PTCD3: variants seen among roughly 807,000 people sequenced by gnomAD.
PTCD3 encodes the protein pentatricopeptide repeat domain 3, also known as small ribosomal subunit protein mS39.
A neutral mutation model predicts 101.9 loss-of-function variants in PTCD3; 89 were observed. The observed-to-expected ratio is 0.87, with a 90% CI of 0.74 to 1.04. The LOEUF is 1.04. PTCD3 is among the 50% of genes least tolerant of loss of function. The pLI, the probability that PTCD3 is intolerant of heterozygous loss-of-function variation, is 0.00. For missense variants in PTCD3, 870 were observed against 828.2 expected, an observed-to-expected ratio of 1.05 and a Z score of -0.62; for synonymous variants, 296 against 278.5, an observed-to-expected ratio of 1.06 and a Z score of -0.63.
intron 4 of PTCD3, among the ~76,000 whole-genome samples, chr2:86,114,058 A>G (rs2104449482): frequency 6.6e-6 from 1 of 152,234 alleles, no homozygotes; most frequent in South Asian, 2.1e-4. Context: ...AAATCAAAGA[A>G]GTTATAGAAT....
At chr2:86,127,033 G>A in intron 12 of PTCD3, 128 bp from the exon 13 acceptor site, 1 of 746,406 alleles carries the variant, frequency 1.3e-6, no homozygotes, top group South Asian at 2.2e-5. Flanking sequence ...GTTCTTAAAA[G>A]AGGGATATAG....
At chr2:86,114,289 CTT>C (rs536484959) in intron 4 of PTCD3, among the ~76,000 whole-genome samples, 7 of 143,980 alleles carry the variant, frequency 4.9e-5, no homozygotes, top group East Asian at 2.0e-4. Context: ...TTTTTTCTTT[CTT>C]TTTTTTTTTT....
chr2:86,132,761 AG>A (rs568732267), intron 17 of PTCD3: 22 of 295,512 alleles, frequency 7.4e-5, no homozygotes, highest in African/African-American at 4.8e-4. Flanking sequence ...TTGTATTCAA[AG>A]ATGAAGATAC....
intron 3 of PTCD3, among the ~76,000 whole-genome samples, chr2:86,110,332 T>A (rs1274802538): frequency 6.6e-6 from 1 of 152,224 alleles, no homozygotes; most frequent in Non-Finnish European, 1.5e-5. Flanking sequence ...TGATGAAATA[T>A]AAAATTTCCT....
intron 1 of PTCD3, chr2:86,107,174 C>T (rs1211812805): frequency 4.2e-6 from 2 of 471,084 alleles, no homozygotes; most frequent in Admixed American, 4.7e-5. Context: ...TTTGTGCTGC[C>T]ATTCAATGCC....
intron 9 of PTCD3, among the ~76,000 whole-genome samples, chr2:86,124,278 G>A (rs908529956): frequency 2.6e-5 from 4 of 152,182 alleles, no homozygotes; most frequent in African/African-American, 7.2e-5. Context: ...AAGCTACCAT[G>A]ATTATCTAAA....
At chr2:86,111,189 TA>T in intron 4 of PTCD3, 31 bp downstream of exon 4, 1 of 1,582,408 alleles carries the variant, frequency 6.3e-7, no homozygotes, top group Non-Finnish European at 8.7e-7. Context: ...TTTTTTAACC[TA>T]AAACTTGGCT....
intron 4 of PTCD3, among the ~76,000 whole-genome samples, chr2:86,113,180 A>G (rs1483614478): frequency 3.9e-5 from 6 of 152,216 alleles, no homozygotes. Flanking sequence ...GTCTGGGACA[A>G]AGGAAATTCT....
intron 21 of PTCD3, among the ~76,000 whole-genome samples, chr2:86,135,359 C>T (rs998415701): frequency 1.3e-5 from 2 of 152,130 alleles, no homozygotes; most frequent in Non-Finnish European, 2.9e-5. Context: ...GATGCTTCTC[C>T]CATCCCACTC....
intron 21 of PTCD3, 94 bp from the exon 22 acceptor site, chr2:86,136,427 C>A: frequency 8.2e-7 from 1 of 1,216,584 alleles, no homozygotes; most frequent in South Asian, 1.2e-5. Context: ...AAGAAAAGGG[C>A]ATTTAGTCTC....
chr2:86,106,676 A>G (rs568478226), intron 1 of PTCD3, among the ~76,000 whole-genome samples: 5 of 152,304 alleles, frequency 3.3e-5, no homozygotes, highest in African/African-American at 4.8e-5. Flanking sequence ...ATTATCCGCC[A>G]TTACTCATTT....
intron 6 of PTCD3, among the ~76,000 whole-genome samples, chr2:86,118,447 AC>A (rs1674217856): frequency 6.6e-6 from 1 of 152,174 alleles, no homozygotes; most frequent in Non-Finnish European, 1.5e-5. Flanking sequence ...AGGGAAACAC[AC>A]ACTTCTTGTT....
Position 86,133,376 on chromosome 2 carries a change from C to A in PTCD3, c.1483C>A (p.His495Asn). The A allele has an allele frequency of 6.2e-7, 1 of 1,614,134 alleles. No homozygotes were observed. Among genetic ancestry groups the A allele is most frequent in the Non-Finnish European group, 8.5e-7 (1 of 1,180,000 alleles). The part of the protein sequence containing the change: ...AYFPHSQTMI[H>N]LLQALDVANR... The stretch of plus-strand genomic sequence containing the variant: ...CTTTCCCCACTCCCAAACAATGATA[C>A]ATCTTCTCCAAGCATTGGATGTGGC... Residue 495 changes from histidine (H) to asparagine (N), a missense_variant, in exon 19 of 24, where the codon CAT becomes AAT. Transcript: ENST00000254630.
rs1674646078 is a variant in PTCD3, at chr2:86,139,376, T to C, written c.*1817T>C. The C allele has an allele frequency of 6.6e-6, 1 of 152,164 alleles. No individual in the cohort carries two copies. The highest frequency in any genetic ancestry group is 2.1e-4 in the South Asian group (1 of 4,814). 9.4% of individuals were successfully genotyped at this position (152,164 alleles called of 1,614,324 possible). On this transcript the variant is annotated 3_prime_UTR_variant, in exon 24 of 24. Coordinates refer to ENST00000254630, the MANE Select transcript of PTCD3 (RefSeq NM_017952.6). ...GCCAGACTGGTGGTATGTATCTGTG[T>C]CCCAGCTAATTGGGAGGGTGAGTTG...
chr2:86,125,389 G>A (rs1455190004), intron 10 of PTCD3, 66 bp from the exon 11 acceptor site: 5 of 1,500,188 alleles, frequency 3.3e-6, no homozygotes, highest in Non-Finnish European at 4.6e-6. Context: ...CCAAACTCTA[G>A]GACAGAAATG....
intron 9 of PTCD3, among the ~76,000 whole-genome samples, chr2:86,124,375 G>A (rs1674345033): frequency 6.6e-6 from 1 of 152,164 alleles, no homozygotes; most frequent in African/African-American, 2.4e-5. Flanking sequence ...CTGTAATCCT[G>A]GTGCCGTGGG....
At chr2:86,137,189 C>A in intron 23 of PTCD3, 49 bp downstream of exon 23, 1 of 1,502,182 alleles carries the variant, frequency 6.7e-7, no homozygotes, top group South Asian at 1.3e-5. Context: ...ACCTTTCATC[C>A]ATCTGCCCAT....
intron 3 of PTCD3, among the ~76,000 whole-genome samples, chr2:86,109,521 T>C (rs2104446412): frequency 1.3e-5 from 2 of 152,218 alleles, no homozygotes; most frequent in Middle Eastern, 3.4e-3. Flanking sequence ...AATGCATAGG[T>C]AACTGGGATC....
intron 14 of PTCD3, among the ~76,000 whole-genome samples, chr2:86,129,580 T>C (rs1674459190): frequency 2.0e-5 from 3 of 152,122 alleles, no homozygotes; most frequent in Admixed American, 2.0e-4. Context: ...AGGTTGAAGC[T>C]GCAGTAAGCT....
Sources: allele counts gnomAD v4.1 joint callset (sites outside exome capture counted in the v4.1 genomes callset), GRCh38; gene constraint gnomAD v4.1.1; transcripts MANE v1.5; gene names NCBI Gene and HGNC (gene_info 2026-07-23, HGNC 2026-07-21).